ARHGEF25: variants seen among roughly 807,000 people sequenced by gnomAD.
ARHGEF25 encodes RAC/CDC42 exchange factor.
Under a neutral mutation model 74.0 loss-of-function variants are expected in ARHGEF25, and 42 were observed. The observed-to-expected ratio is 0.57, with a 90% CI of 0.44 to 0.73. The LOEUF (loss-of-function observed/expected upper bound fraction) is 0.73, where lower values mean the gene tolerates loss of function less well. ARHGEF25 is among the 30% of genes least tolerant of loss of function. ARHGEF25 has a pLI of 0.00. For synonymous variants in ARHGEF25, 293 were observed against 278.6 expected, an observed-to-expected ratio of 1.05 and a Z score of -0.51; for missense variants, 645 against 725.5, an observed-to-expected ratio of 0.89 and a Z score of 1.27.
At chr12:57,612,695 A>C in intron 1 of ARHGEF25, 1 of 1,406,740 alleles carries the variant, frequency 7.1e-7, no homozygotes, top group South Asian at 1.7e-5. Context: ...GAACCTCCAC[A>C]TGTAACTGGG....
At position 57,611,807 on chromosome 12, in the gene ARHGEF25, T is replaced by A. The variant is rs1045638778; in HGVS notation, c.-88T>A. On this transcript the variant is annotated 5_prime_UTR_variant, in exon 1 of 15. Transcript: ENST00000286494. The surrounding 1 kb of genome is among the most constrained non-coding windows in gnomAD (Gnocchi z 4.5). ...GGACCGGGGTAGGAGGGAGGGGGGG[T>A]GTGCGCCCGGCGCCGTCCCCGCCCC... The A allele has an allele frequency of 2.7e-6, 3 of 1,121,646 alleles. No homozygotes were observed. The highest frequency in any genetic ancestry group is 3.3e-6 in the Non-Finnish European group (3 of 897,792). The allele number at this position is 1,121,646 out of a possible 1,614,324, so 69.5% of individuals were successfully genotyped here. A position where few individuals can be genotyped will look rare whatever the true frequency, so the allele number is the denominator to read the frequency against.
At position 57,613,688 on chromosome 12, in the gene ARHGEF25, T is replaced by A. The variant is rs140634496; in HGVS notation, c.486-6T>A. ...AAGTGGGGGCCTCCTCCTGCTTTCA[T>A]CCTAGGTATGTCCTGAGTGAACTGG... is the stretch of plus-strand genomic sequence containing the variant. On this transcript the variant is annotated splice_region_variant and splice_polypyrimidine_tract_variant and intron_variant, in intron 4 of 14. Coordinates refer to ENST00000286494, the MANE Select transcript of ARHGEF25 (RefSeq NM_182947.4). 822 of 1,614,012 alleles carry A rather than the reference T, an allele frequency of 5.1e-4. 13 individuals are homozygous for A. In the East Asian group the frequency reaches 0.018, roughly 35 times the overall value.
Position 57,613,063 on chromosome 12 carries a change from C to T in ARHGEF25, c.231C>T (p.Gly77=), listed in dbSNP as rs1278447489. ...CSPGPPGPVS[G]LRRWLDHSKH... is the part of the protein sequence containing the mutation. ...CAGGCCCCCCAGGGCCCGTCAGTGG[C>T]CTGAGGAGATGGTTGGATCATTCCA... The change falls in exon 2 of 15, where the codon GGC becomes GGT. Residue 77 remains glycine, a synonymous_variant. Transcript: ENST00000286494. 3 of 1,613,998 alleles carry T rather than the reference C, an allele frequency of 1.9e-6. No individual in the cohort carries two copies. The Admixed American group carries it at 5.0e-5, about 27-fold the overall frequency.
At chr12:57,615,085 C>T in intron 10 of ARHGEF25, 68 bp downstream of exon 10, 1 of 1,600,614 alleles carries the variant, frequency 6.2e-7, no homozygotes, top group Non-Finnish European at 8.6e-7. Context: ...ATGGGTTCCC[C>T]CAGCCCCTTG....
At position 57,614,250 on chromosome 12, in the gene ARHGEF25, A is replaced by ACTAC; in HGVS notation, c.657-80_657-79insTACC. The ACTAC allele has an allele frequency of 6.3e-7, 1 of 1,584,746 alleles. No homozygotes were observed. Among genetic ancestry groups the ACTAC allele is most frequent in the East Asian group, 2.2e-5 (1 of 44,706 alleles). Reference sequence around the variant, plus strand: ...TTTGTAGGGCACACTACCAGGGCAGACAGCTCGAAACTGCTGGGAGTGGGC... The same window carrying ACTAC: ...TTTGTAGGGCACACTACCAGGGCAGACTACCAGCTCGAAACTGCTGGGAGTGGGC... On this transcript the variant is annotated intron_variant, in intron 6 of 14. Transcript: ENST00000286494. This position sits in a 1 kb window ranked among gnomAD's most constrained non-coding sequence, Gnocchi z 4.6.
Position 57,617,076 on chromosome 12 carries a change from G to C in ARHGEF25, c.*182G>C. 1 of 211,954 alleles carries C rather than the reference G, an allele frequency of 4.7e-6. No homozygotes were observed. The highest frequency in any genetic ancestry group is 1.4e-4 in the East Asian group (1 of 7,398). The allele number at this position is 211,954 out of a possible 1,614,324, so 13.1% of individuals were successfully genotyped here. Reference sequence around the variant, plus strand: ...ACCCAAGGACTTTTTTCTGCCCAAGGAACACAGTTTCCTTCAGCTCCCATC... The same window carrying C: ...ACCCAAGGACTTTTTTCTGCCCAAGCAACACAGTTTCCTTCAGCTCCCATC... On this transcript the variant is annotated 3_prime_UTR_variant, in exon 15 of 15. Coordinates refer to ENST00000286494, the MANE Select transcript of ARHGEF25 (RefSeq NM_182947.4).
At chr12:57,610,413 C>A, upstream of ARHGEF25, 1 of 1,107,090 alleles carries the variant, frequency 9.0e-7, no homozygotes, top group Non-Finnish European at 1.3e-6. Flanking sequence ...TTCTGCGGGG[C>A]AGTCGCAGGA....
chr12:57,614,119 AGT>A lies in ARHGEF25; in HGVS notation c.656+2_656+3del, dbSNP rs1884177943. The A allele has an allele frequency of 6.2e-7, 1 of 1,613,776 alleles. No homozygotes were observed. The highest frequency in any genetic ancestry group is 1.7e-5 in the Admixed American group (1 of 59,974). ...CAGCAAATCTATGAGTGGCACCGAG[AGT>A]GAGTGGTGGAACTCTGACAGCTAGG... On this transcript the variant is annotated splice_donor_variant, in intron 6 of 14. Transcript: ENST00000286494. LOFTEE classifies it high-confidence loss of function. The surrounding 1 kb of genome is among the most constrained non-coding windows in gnomAD (Gnocchi z 4.6).
At chr12:57,610,608 G>A, upstream of ARHGEF25, 1 of 1,612,480 alleles carries the variant, frequency 6.2e-7, no homozygotes, top group Non-Finnish European at 8.5e-7. Flanking sequence ...TGGGTACCGA[G>A]CCAGAGTCTG....
At position 57,613,779 on chromosome 12, in the gene ARHGEF25, T is replaced by A. The variant is rs756942455; in HGVS notation, c.552+19T>A. On this transcript the variant is annotated intron_variant, in intron 5 of 14. Transcript: ENST00000286494. ...TGTGGAGGTAGCTCCCTTTACCCCTTCCCAGCCCCTCCTGCCTGCTTTTCC... is the reference window on the plus strand; with the variant it reads ...TGTGGAGGTAGCTCCCTTTACCCCTACCCAGCCCCTCCTGCCTGCTTTTCC... The A allele has an allele frequency of 6.2e-7, 1 of 1,612,378 alleles. No individual in the cohort carries two copies. Among genetic ancestry groups the A allele is most frequent in the South Asian group, 1.1e-5 (1 of 90,848 alleles).
chr12:57,611,346 C>A, upstream of ARHGEF25: 1 of 760,120 alleles, frequency 1.3e-6, no homozygotes, highest in South Asian at 5.9e-5. The surrounding 1 kb of genome is among the most constrained non-coding windows in gnomAD (Gnocchi z 4.5). Context: ...GGCGGGAACC[C>A]GGCGCAGGCA....
chr12:57,616,852 C>G lies in ARHGEF25; in HGVS notation c.1701C>G (p.Pro567=). The change falls in exon 15 of 15, where the codon CCC becomes CCG. Residue 567 remains proline, a synonymous_variant. Transcript: ENST00000286494. ...PPVSPTPKTP[P]CQARLAKLDE... ...TCTCTCCAACTCCAAAAACCCCTCCCTGCCAAGCCAGACTTGCCAAGCTGG... is the reference window on the plus strand; with the variant it reads ...TCTCTCCAACTCCAAAAACCCCTCCGTGCCAAGCCAGACTTGCCAAGCTGG... The G allele has an allele frequency of 1.2e-6, 2 of 1,614,154 alleles. No homozygotes were observed. The highest frequency in any genetic ancestry group is 1.7e-6 in the Non-Finnish European group (2 of 1,179,996).
In ARHGEF25 at chr12:57,613,287, A is replaced by G. The variant is rs1884133374; in HGVS notation, c.336A>G (p.Leu112=). 6.2e-7 allele frequency: 1 copy of G among 1,614,228 alleles called. No homozygotes were observed. The highest frequency in any genetic ancestry group is 8.5e-7 in the Non-Finnish European group (1 of 1,180,032). ...PYENWMLEPA[L]ATGEELPELT... ...AGAACTGGATGTTGGAGCCAGCTCT[A>G]GCCACAGGAGAGGAGCTGCCGGAAC... The change falls in exon 3 of 15, where the codon CTA becomes CTG. Residue 112 remains leucine, a synonymous_variant. Coordinates refer to ENST00000286494, the MANE Select transcript of ARHGEF25 (RefSeq NM_182947.4).
At chr12:57,613,629 G>A in intron 4 of ARHGEF25, 65 bp from the exon 5 acceptor site, 1 of 1,610,230 alleles carries the variant, frequency 6.2e-7, no homozygotes, top group Non-Finnish European at 8.5e-7. Context: ...GAGGAGGGAG[G>A]AACGGGCTGA....
chr12:57,616,125 T>C, intron 13 of ARHGEF25, 108 bp downstream of exon 13: 4 of 1,477,256 alleles, frequency 2.7e-6, no homozygotes, highest in Non-Finnish European at 3.7e-6. Flanking sequence ...GCCCATCCCC[T>C]TTTCCACTGC....
Position 57,614,130 on chromosome 12 carries a change from G to A in ARHGEF25, c.656+11G>A. 1 of 1,613,484 alleles carries A rather than the reference G, an allele frequency of 6.2e-7. No homozygotes were observed. The highest frequency in any genetic ancestry group is 8.5e-7 in the Non-Finnish European group (1 of 1,179,470). On this transcript the variant is annotated intron_variant, in intron 6 of 14. Coordinates refer to ENST00000286494, the MANE Select transcript of ARHGEF25 (RefSeq NM_182947.4). This position sits in a 1 kb window ranked among gnomAD's most constrained non-coding sequence, Gnocchi z 4.6. ...TGAGTGGCACCGAGAGTGAGTGGTG[G>A]AACTCTGACAGCTAGGTGCTGGAGA...
chr12:57,613,840 G>A (rs187808039), intron 5 of ARHGEF25, 80 bp downstream of exon 5: 17 of 1,551,500 alleles, frequency 1.1e-5, no homozygotes, highest in Admixed American at 5.4e-5. Flanking sequence ...GTGCCTGGGC[G>A]CTCCTCTGTC....
Position 57,614,689 on chromosome 12 carries a change from G to A in ARHGEF25, c.817G>A (p.Glu273Lys), listed in dbSNP as rs866129970. ...ATAACCACCCTGTCCCTGTCCCCAGGAGCTCCGGCAGCAGCTGGGGCACCG... is the reference window on the plus strand; with the variant it reads ...ATAACCACCCTGTCCCTGTCCCCAGAAGCTCCGGCAGCAGCTGGGGCACCG... Reference protein sequence around the residue: ...VSEFGDSYFEELRQQLGHRLQ... With the variant: ...VSEFGDSYFEKLRQQLGHRLQ... Residue 273 changes from glutamate to lysine, a missense_variant and splice_region_variant, in exon 9 of 15, where the codon GAG becomes AAG. Glu to Lys is a moderately conservative substitution (Grantham distance 56). This residue lies in a region of ARHGEF25 where 194 missense variants were observed against 269.4 expected (regional missense o/e 0.72). Transcript: ENST00000286494. This position sits in a 1 kb window ranked among gnomAD's most constrained non-coding sequence, Gnocchi z 4.6. 1.2e-6 allele frequency: 2 copies of A among 1,613,616 alleles called. No individual in the cohort carries two copies. Among genetic ancestry groups the A allele is most frequent in the Middle Eastern group, 3.3e-4 (2 of 6,058 alleles).
intron 11 of ARHGEF25, 60 bp downstream of exon 11, chr12:57,615,374 C>T (rs2140223935): frequency 1.3e-6 from 2 of 1,580,608 alleles, no homozygotes; most frequent in Middle Eastern, 3.4e-4. Flanking sequence ...CCCTAGCATT[C>T]AGGAGGTCCT....
Sources: gnomAD v4.1 joint callset for allele counts on GRCh38, gnomAD v4.1.1 for gene constraint, gnomAD v4.1.1 regional missense constraint, Gnocchi (gnomAD v3.1) non-coding constraint, MANE v1.5 for transcripts, NCBI Gene and HGNC (gene_info 2026-07-23, HGNC 2026-07-21) for gene names.